The following PAM variants were observed in gnomAD, a reference collection of about 807,000 sequenced individuals.
The protein encoded by PAM is peptidylglycine alpha-amidating monooxygenase.
PAM carries 72 observed loss-of-function variants against 122.1 expected under a neutral mutation model. The ratio of observed to expected loss-of-function variants is 0.59; its 90% CI spans 0.49 to 0.72. The LOEUF (loss-of-function observed/expected upper bound fraction) is 0.72, where lower values mean the gene tolerates loss of function less well. Among genes scored for constraint, PAM ranks in the 30% least tolerant of loss-of-function variants. PAM has a pLI of 0.00. For missense variants in PAM, 1,106 were observed against 1,183.7 expected (o/e 0.93, Z 0.96); for synonymous variants, 389 against 404.4 (o/e 0.96, Z 0.46).
intron 12 of PAM, among the ~76,000 whole-genome samples, chr5:102,958,396 T>A (rs964862024): frequency 3.3e-5 from 5 of 152,194 alleles, no homozygotes; most frequent in East Asian, 3.8e-4. Flanking sequence ...TCCTTTTTTT[T>A]AAAGCAGGAA....
intron 20 of PAM, 120 bp downstream of exon 20, chr5:103,007,777 G>A (rs968750100): frequency 3.1e-6 from 2 of 644,736 alleles, no homozygotes; most frequent in Admixed American, 5.5e-5. Context: ...CATCTTAAAA[G>A]TATCTTACAA....
chr5:102,768,015 C>T (rs1561390221), intron 1 of PAM, among the ~76,000 whole-genome samples: 1 of 152,032 alleles, frequency 6.6e-6, no homozygotes, highest in African/African-American at 2.4e-5. Context: ...TTAATAAGCT[C>T]ATCGATGTAA....
intron 1 of PAM, among the ~76,000 whole-genome samples, chr5:102,808,479 C>G (rs1209831794): frequency 6.6e-6 from 1 of 152,176 alleles, no homozygotes; most frequent in African/African-American, 2.4e-5. Flanking sequence ...GCCTGCTACT[C>G]TCCCTGGTAA....
At chr5:102,789,430 T>C (rs1761463090) in intron 1 of PAM, among the ~76,000 whole-genome samples, 1 of 152,146 alleles carries the variant, frequency 6.6e-6, no homozygotes, top group Admixed American at 6.6e-5. Flanking sequence ...ATGTGGAATA[T>C]GCATATGATG....
chr5:102,958,655 T>C (rs1761561661), intron 12 of PAM, among the ~76,000 whole-genome samples: 1 of 152,164 alleles, frequency 6.6e-6, no homozygotes, highest in Admixed American at 6.6e-5. Context: ...CCAAATGATT[T>C]CTAAAGCATA....
At chr5:102,847,332 G>A (rs372075592) in intron 1 of PAM, among the ~76,000 whole-genome samples, 24 of 152,238 alleles carry the variant, frequency 1.6e-4, no homozygotes, top group African/African-American at 4.8e-4. Context: ...CCAGCTACTC[G>A]GGAGGCTGAG....
chr5:102,920,340 T>C (rs1265670455), intron 5 of PAM, among the ~76,000 whole-genome samples: 19 of 152,076 alleles, frequency 1.2e-4, no homozygotes, highest in African/African-American at 4.6e-4. Context: ...TTGTTGGGCA[T>C]GGAGAATTTG....
chr5:102,809,511 A>G (rs968997409), intron 1 of PAM, among the ~76,000 whole-genome samples: 1 of 152,220 alleles, frequency 6.6e-6, no homozygotes, highest in Admixed American at 6.5e-5. Flanking sequence ...ATTTCTTTAT[A>G]TAGTTGAACG....
chr5:102,757,526 A>ATG (rs980909606), intron 1 of PAM, among the ~76,000 whole-genome samples: 1 of 152,240 alleles, frequency 6.6e-6, no homozygotes, highest in Non-Finnish European at 1.5e-5. Flanking sequence ...CACATGTATG[A>ATG]TGTGCTAATC....
intron 1 of PAM, among the ~76,000 whole-genome samples, chr5:102,773,411 T>C (rs566259217): frequency 6.6e-6 from 1 of 152,256 alleles, no homozygotes; most frequent in Non-Finnish European, 1.5e-5. Flanking sequence ...GTGATCTCTG[T>C]TGCAACTACT....
intron 1 of PAM, among the ~76,000 whole-genome samples, chr5:102,785,268 AG>A (rs147761577): frequency 0.028 from 4,214 of 152,326 alleles, 114 homozygotes; most frequent in East Asian, 0.14. Flanking sequence ...AAGAAAAGGG[AG>A]GGGGGAGTCC....
intron 15 of PAM, among the ~76,000 whole-genome samples, chr5:102,981,428 A>G (rs886278957): frequency 6.6e-6 from 1 of 152,216 alleles, no homozygotes; most frequent in African/African-American, 2.4e-5. Flanking sequence ...TTCATTGAGT[A>G]TTCTCATAGT....
At chr5:102,768,934 C>T (rs1299449581) in intron 1 of PAM, among the ~76,000 whole-genome samples, 1 of 152,142 alleles carries the variant, frequency 6.6e-6, no homozygotes, top group Non-Finnish European at 1.5e-5. Context: ...CAAACTTCTC[C>T]ATAGTGGTTG....
intron 3 of PAM, among the ~76,000 whole-genome samples, chr5:102,871,454 A>T (rs1220424291): frequency 1.3e-5 from 2 of 152,030 alleles, no homozygotes; most frequent in Non-Finnish European, 2.9e-5. Context: ...AAATGAAGAA[A>T]ATAGAAAGTA....
chr5:102,840,819 T>G (rs932084208), intron 1 of PAM, among the ~76,000 whole-genome samples: 8 of 152,148 alleles, frequency 5.3e-5, no homozygotes, highest in Non-Finnish European at 1.2e-4. Flanking sequence ...ACTTTAAAAC[T>G]TTGACACATG....
At position 102,972,069 on chromosome 5, in the gene PAM, C is replaced by T. The variant is rs1291075554; in HGVS notation, c.1163-2047C>T. 2.6e-5 allele frequency among the ~76,000 whole-genome samples: 4 copies of T among 152,152 alleles called. No individual in the cohort carries two copies. In the South Asian group the frequency reaches 6.2e-4, roughly 24 times the overall value. On this transcript the variant is annotated intron_variant, in intron 14 of 25. Transcript: ENST00000438793. ...ATAAATTCACATGAACTGGAGTGCT[C>T]TACCTTTGGTATTTTATCACAGCTT...
rs910228190 is a variant in PAM, at chr5:103,020,123, G to A, written c.2485+280G>A. Among the ~76,000 whole-genome samples the A allele has an allele frequency of 2.6e-5, 4 of 151,978 alleles. No individual in the cohort carries two copies. The South Asian group carries it at 6.2e-4, about 24-fold the overall frequency. On this transcript the variant is annotated intron_variant, in intron 23 of 25. Transcript: ENST00000438793. Reference sequence around the variant, plus strand: ...GTAACTAGTGAGCCAGAGATATTCCGAGAAGAAAAAAAGTCAGCCACTTTG... The same window carrying A: ...GTAACTAGTGAGCCAGAGATATTCCAAGAAGAAAAAAAGTCAGCCACTTTG...
intron 1 of PAM, among the ~76,000 whole-genome samples, chr5:102,779,886 C>CATATATATATATATATAT (rs767088116): frequency 8.6e-5 from 7 of 81,052 alleles, no homozygotes; most frequent in East Asian, 8.2e-4. Context: ...CTCCCATATA[C>CATATATATATATATATAT]ATATATATAT....
intron 1 of PAM, among the ~76,000 whole-genome samples, chr5:102,788,504 G>C (rs1761189683): frequency 6.6e-6 from 1 of 152,024 alleles, no homozygotes; most frequent in Non-Finnish European, 1.5e-5. Flanking sequence ...ATTTTAAAAT[G>C]GTTGCTTTGT....
Sources: allele counts gnomAD v4.1 joint callset (sites outside exome capture counted in the v4.1 genomes callset), GRCh38; gene constraint gnomAD v4.1.1; transcripts MANE v1.5; gene names NCBI Gene and HGNC (gene_info 2026-07-23, HGNC 2026-07-21).